Variants in OSMR observed in about 807,000 individuals in gnomAD.
OSMR encodes oncostatin M receptor, also known as oncostatin-M-specific receptor subunit beta.
In OSMR, 81 loss-of-function variants were observed where a neutral mutation model predicts 99.9. The ratio of observed to expected loss-of-function variants is 0.81; its 90% CI spans 0.68 to 0.97. The LOEUF (loss-of-function observed/expected upper bound fraction) is 0.97. Ranked by LOEUF, OSMR falls within the 50% of genes least tolerant of loss-of-function variation. The pLI is 0.00. For missense variants in OSMR, 1,099 were observed against 1,153.4 expected (o/e 0.95, Z 0.68); for synonymous variants, 406 against 410.4 (o/e 0.99, Z 0.13).
chr5:38,938,583 A>C (rs1482360087), downstream of OSMR: 2 of 232,844 alleles, frequency 8.6e-6, no homozygotes, highest in East Asian at 1.2e-4. Context: ...ACATTACAAA[A>C]ATACTCCAAA....
At chr5:38,884,877 A>G (rs1295941306) in intron 5 of OSMR, among the ~76,000 whole-genome samples, 2 of 152,072 alleles carry the variant, frequency 1.3e-5, no homozygotes, top group Admixed American at 6.6e-5. Context: ...TGGTTCATCT[A>G]TGTCCCCTTA....
chr5:38,896,222 T>C (rs955323738), intron 7 of OSMR, among the ~76,000 whole-genome samples: 1 of 152,150 alleles, frequency 6.6e-6, no homozygotes, highest in Admixed American at 6.5e-5. Context: ...GCAGTAACTA[T>C]GTAGATTGCT....
intron 4 of OSMR, among the ~76,000 whole-genome samples, chr5:38,882,188 G>C (rs1017067839): frequency 1.3e-5 from 2 of 152,282 alleles, no homozygotes; most frequent in Middle Eastern, 3.4e-3. Context: ...GCATACAGTC[G>C]CTGTTGTGAC....
chr5:38,861,971 A>G (rs1199818348), intron 1 of OSMR, among the ~76,000 whole-genome samples: 52 of 87,004 alleles, frequency 6.0e-4, no homozygotes, highest in Admixed American at 1.0e-3. Flanking sequence ...CGGGCGGGGG[A>G]CTGACCCCCT....
intron 8 of OSMR, 47 bp from the exon 9 acceptor site, chr5:38,904,306 C>T (rs1182711390): frequency 1.3e-6 from 2 of 1,582,424 alleles, no homozygotes. Context: ...ATGTTTCTGT[C>T]TTGTTCTTTT....
chr5:38,920,299 A>G (rs1202958344), intron 11 of OSMR, among the ~76,000 whole-genome samples: 1 of 152,228 alleles, frequency 6.6e-6, no homozygotes, highest in Non-Finnish European at 1.5e-5. Context: ...TGAGAAAACC[A>G]GTAAGGTTAA....
chr5:38,941,423 C>T (rs1252069526), intron 1 of OSMR: 2 of 231,648 alleles, frequency 8.6e-6, no homozygotes, highest in Non-Finnish European at 1.7e-5. Flanking sequence ...TTATTTAATG[C>T]TTTCCTATCC....
At chr5:38,925,052 T>A (rs1268972958) in intron 14 of OSMR, 152 bp from the exon 15 acceptor site, 1 of 1,485,390 alleles carries the variant, frequency 6.7e-7, no homozygotes, top group Admixed American at 2.4e-5. Context: ...CCCATGGTGA[T>A]GAAATTATGA....
chr5:38,898,451 A>G (rs1744667498), intron 7 of OSMR, among the ~76,000 whole-genome samples: 1 of 152,174 alleles, frequency 6.6e-6, no homozygotes, highest in Non-Finnish European at 1.5e-5. Context: ...GTCATAGAAT[A>G]TCTTTCCATC....
chr5:38,902,840 G>A (rs541163977), intron 7 of OSMR, among the ~76,000 whole-genome samples: 22 of 152,270 alleles, frequency 1.4e-4, no homozygotes, highest in Middle Eastern at 3.4e-3. Context: ...GATGCCTCCA[G>A]ATGCATCTGA....
chr5:38,872,167 G>A (rs1282882627), intron 2 of OSMR, among the ~76,000 whole-genome samples: 1 of 152,178 alleles, frequency 6.6e-6, no homozygotes, highest in African/African-American at 2.4e-5. Flanking sequence ...TGATCCCACT[G>A]ACTTAACCTT....
intron 1 of OSMR, among the ~76,000 whole-genome samples, chr5:38,866,015 T>G (rs1482188930): frequency 6.6e-6 from 1 of 152,142 alleles, no homozygotes; most frequent in Non-Finnish European, 1.5e-5. Flanking sequence ...GCTGGTGGTG[T>G]TAGACTGGGC....
rs1746954859 is a variant in OSMR, at chr5:38,935,106, A to G, written c.*1662A>G. On this transcript the variant is annotated 3_prime_UTR_variant, in exon 18 of 18. Coordinates refer to ENST00000274276, the MANE Select transcript of OSMR (RefSeq NM_003999.3). Reference sequence around the variant, plus strand: ...TGCCTTGGCCTCCCAAAGTGCTGGGATTACAGGCGTGAGCCACTGCGCCTA... The same window carrying G: ...TGCCTTGGCCTCCCAAAGTGCTGGGGTTACAGGCGTGAGCCACTGCGCCTA... The G allele has an allele frequency of 6.6e-6, 1 of 152,504 alleles. No homozygotes were observed. The highest frequency in any genetic ancestry group is 2.1e-4 in the South Asian group (1 of 4,836). The allele number at this position is 152,504 out of a possible 1,614,324, so 9.4% of individuals were successfully genotyped here. A position where few individuals can be genotyped will look rare whatever the true frequency, so the allele number is the denominator to read the frequency against.
At position 38,932,489 on chromosome 5, in the gene OSMR, T is replaced by C. The variant is rs1746798655; in HGVS notation, c.2321T>C (p.Ile774Thr). Residue 774 changes from isoleucine to threonine, a missense_variant, in exon 17 of 18, where the codon ATC becomes ACC. Transcript: ENST00000274276. ...QWIKETCYPD[I>T]PDPYKSSILS... ...ATCAAGGAGACCTGTTATCCTGACATCCCTGACCCTTACAAGAGCAGCATC... is the reference window on the plus strand; with the variant it reads ...ATCAAGGAGACCTGTTATCCTGACACCCCTGACCCTTACAAGAGCAGCATC... The C allele has an allele frequency of 6.2e-7, 1 of 1,613,676 alleles. No homozygotes were observed. The highest frequency in any genetic ancestry group is 1.1e-5 in the South Asian group (1 of 91,076).
At chr5:38,942,444 A>G (rs1747672668) in intron 1 of OSMR, 2 of 897,062 alleles carry the variant, frequency 2.2e-6, no homozygotes, top group South Asian at 2.3e-5. Context: ...TATTTATATA[A>G]ATATCTAATT....
chr5:38,853,792 A>G (rs1740633759), intron 1 of OSMR, among the ~76,000 whole-genome samples: 1 of 152,210 alleles, frequency 6.6e-6, no homozygotes, highest in Non-Finnish European at 1.5e-5. Context: ...ATTCAATTTT[A>G]TAAATCAGGA....
At chr5:38,897,698 G>A (rs1412765389) in intron 7 of OSMR, among the ~76,000 whole-genome samples, 1 of 151,872 alleles carries the variant, frequency 6.6e-6, no homozygotes, top group Admixed American at 6.6e-5. Context: ...TGCTTTTCTA[G>A]TTCTGTATTA....
chr5:38,861,392 A>T (rs1284244221), intron 1 of OSMR, among the ~76,000 whole-genome samples: 5 of 152,094 alleles, frequency 3.3e-5, no homozygotes, highest in Admixed American at 2.6e-4. Flanking sequence ...AATCCATTTA[A>T]ACCTGAGTGG....
chr5:38,899,210 G>A (rs578073481), intron 7 of OSMR, among the ~76,000 whole-genome samples: 6 of 152,034 alleles, frequency 3.9e-5, no homozygotes, highest in Non-Finnish European at 7.4e-5. Flanking sequence ...CACCCACCTC[G>A]GCCTCTCAAA....
Sources: allele counts gnomAD v4.1 joint callset (sites outside exome capture counted in the v4.1 genomes callset), GRCh38; gene constraint gnomAD v4.1.1; transcripts MANE v1.5; gene names NCBI Gene and HGNC (gene_info 2026-07-23, HGNC 2026-07-21).